Variants in ANKRD24 observed in about 807,000 individuals in gnomAD.
ANKRD24 encodes the protein ankyrin repeat domain-containing protein 24.
In ANKRD24, 109 loss-of-function variants were observed where a neutral mutation model predicts 127.8. The ratio of observed to expected loss-of-function variants is 0.85; its 90% CI spans 0.73 to 1.00. ANKRD24 has a LOEUF of 1.00. ANKRD24 is among the 50% of genes least tolerant of loss of function. The pLI, the probability that ANKRD24 is intolerant of heterozygous loss-of-function variation, is 0.00. For missense variants in ANKRD24, 1,648 were observed against 1,570.2 expected (o/e 1.05, Z -0.84); for synonymous variants, 743 against 671.1 (o/e 1.11, Z -1.66).
chr19:4,194,822 G>A (rs1759807241), intron 2 of ANKRD24, among the ~76,000 whole-genome samples: 1 of 152,156 alleles, frequency 6.6e-6, no homozygotes, highest in Admixed American at 6.5e-5. Flanking sequence ...ACAGGACACA[G>A]TGTGCAGCCA....
intron 7 of ANKRD24, among the ~76,000 whole-genome samples, chr19:4,206,573 C>T (rs999934960): frequency 2.8e-4 from 42 of 152,086 alleles, no homozygotes; most frequent in African/African-American, 8.9e-4. Flanking sequence ...GCAGGAGGAT[C>T]ACTTGAGCCC....
At chr19:4,212,545 C>G (rs753692380) in intron 14 of ANKRD24, 32 bp downstream of exon 14, 2 of 1,549,576 alleles carry the variant, frequency 1.3e-6, no homozygotes, top group East Asian at 4.9e-5. Context: ...AGCCGGTCCT[C>G]CTGCTGCCCA....
chr19:4,214,034 AAC>A (rs910753906), intron 15 of ANKRD24, among the ~76,000 whole-genome samples: 8 of 152,204 alleles, frequency 5.3e-5, no homozygotes, highest in African/African-American at 9.7e-5. Context: ...CACACCCACA[AAC>A]ACACAGTTTA....
chr19:4,210,477 C>T (rs1185502636), intron 13 of ANKRD24, 105 bp downstream of exon 13: 61 of 1,031,478 alleles, frequency 5.9e-5, no homozygotes, highest in Non-Finnish European at 3.2e-5. Context: ...CATCTCTCTC[C>T]CTCCCCACCC....
intron 18 of ANKRD24, among the ~76,000 whole-genome samples, chr19:4,218,664 C>T (rs1443849015): frequency 3.0e-5 from 4 of 131,788 alleles, no homozygotes; most frequent in African/African-American, 5.0e-5. Flanking sequence ...TGTTTTCTCT[C>T]TTTCTTTCTC....
At position 4,199,851 on chromosome 19, in the gene ANKRD24, C is replaced by G. The variant is rs1444297563; in HGVS notation, c.124-24C>G. The G allele has an allele frequency of 6.4e-7, 1 of 1,554,650 alleles. No homozygotes were observed. Among genetic ancestry groups the G allele is most frequent in the Non-Finnish European group, 8.7e-7 (1 of 1,149,174 alleles). The stretch of plus-strand genomic sequence containing the variant: ...GGGGACAGCAGCCAACACTGCCCCA[C>G]GCACTTCTGGGCGTGCCCTGCAGAG... On this transcript the variant is annotated intron_variant, in intron 3 of 21. Coordinates refer to ENST00000318934, the MANE Select transcript of ANKRD24 (RefSeq NM_001393985.1). The surrounding 1 kb of genome is among the most constrained non-coding windows in gnomAD (Gnocchi z 5.2).
intron 16 of ANKRD24, 91 bp downstream of exon 16, chr19:4,216,141 G>T (rs913705842): frequency 1.4e-6 from 2 of 1,446,564 alleles, no homozygotes; most frequent in Middle Eastern, 1.8e-4. Context: ...GTTTGAAGCT[G>T]GGAGGGAGGT....
chr19:4,200,684 G>A (rs1969050340), intron 5 of ANKRD24, among the ~76,000 whole-genome samples: 1 of 152,060 alleles, frequency 6.6e-6, no homozygotes. Flanking sequence ...ACCATGCCCA[G>A]TTAATTTTTC....
chr19:4,217,723 G>A lies in ANKRD24; in HGVS notation c.2563G>A (p.Glu855Lys), dbSNP rs758342016. 1.6e-5 allele frequency: 21 copies of A among 1,293,598 alleles called. No homozygotes were observed. Among genetic ancestry groups the A allele is most frequent in the East Asian group, 1.0e-4 (3 of 29,704 alleles). The allele number at this position is 1,293,598 out of a possible 1,614,324, so 80.1% of individuals were successfully genotyped here. A position where few individuals can be genotyped will look rare whatever the true frequency, so the allele number is the denominator to read the frequency against. ...EQSRELEVLR[E>K]QLATARATGE... ...GAGCCGGGAGCTGGAGGTTCTGCGG[G>A]AGCAGCTGGCCACGGCCAGGGCCAC... The change falls in exon 18 of 22, where the codon GAG becomes AAG. Residue 855 changes from glutamate to lysine, a missense_variant. By Grantham distance (56) the Glu-to-Lys change is moderately conservative. Coordinates refer to ENST00000318934, the MANE Select transcript of ANKRD24 (RefSeq NM_001393985.1).
intron 1 of ANKRD24, among the ~76,000 whole-genome samples, chr19:4,184,797 C>T (rs1020479240): frequency 1.5e-5 from 2 of 137,826 alleles, no homozygotes; most frequent in Non-Finnish European, 3.2e-5. Context: ...GGATGGGGGG[C>T]GAATAGGTGG....
Position 4,195,226 on chromosome 19 carries a change from C to T in ANKRD24, c.37-4457C>T, listed in dbSNP as rs913082733. ...TAGCTGGGACTACAGGCGCCCACCA[C>T]CACGCCCGGCTAATTTTTTGTATTT... On this transcript the variant is annotated intron_variant, in intron 2 of 21. Coordinates refer to ENST00000318934, the MANE Select transcript of ANKRD24 (RefSeq NM_001393985.1). This position sits in a 1 kb window ranked among gnomAD's most constrained non-coding sequence, Gnocchi z 4.2. Among the ~76,000 whole-genome samples the T allele has an allele frequency of 2.6e-5, 4 of 152,192 alleles. No individual in the cohort carries two copies. The highest frequency in any genetic ancestry group is 2.1e-4 in the South Asian group (1 of 4,816).
chr19:4,205,033 C>G (rs1318241384), intron 7 of ANKRD24, among the ~76,000 whole-genome samples: 1 of 152,158 alleles, frequency 6.6e-6, no homozygotes, highest in Non-Finnish European at 1.5e-5. Flanking sequence ...GTCAGGAGAT[C>G]AAGACCATCC....
At chr19:4,188,545 G>A (rs2145216980) in intron 2 of ANKRD24, among the ~76,000 whole-genome samples, 1 of 151,706 alleles carries the variant, frequency 6.6e-6, no homozygotes, top group South Asian at 2.1e-4. Flanking sequence ...CACCACACTG[G>A]GCTAATTTTT....
chr19:4,182,880 G>C, intron 1 of ANKRD24, 140 bp downstream of exon 1: 1 of 426,216 alleles, frequency 2.3e-6, no homozygotes. Context: ...TTACGGATTA[G>C]TAAATTCCGT....
In ANKRD24 at chr19:4,212,710, G is replaced by A. The variant is rs773613136; in HGVS notation, c.1197+12G>A. The A allele has an allele frequency of 6.5e-7, 1 of 1,546,946 alleles. No individual in the cohort carries two copies. Among genetic ancestry groups the A allele is most frequent in the South Asian group, 1.2e-5 (1 of 83,878 alleles). On this transcript the variant is annotated intron_variant, in intron 15 of 21. Coordinates refer to ENST00000318934, the MANE Select transcript of ANKRD24 (RefSeq NM_001393985.1). ...TGTCCCTGCTGGAGGTAGGAGCAGTGATGAGTCAGGGCTGGGCTGGGGCTG... is the reference window on the plus strand; with the variant it reads ...TGTCCCTGCTGGAGGTAGGAGCAGTAATGAGTCAGGGCTGGGCTGGGGCTG...
Position 4,218,021 on chromosome 19 carries a change from T to TGGAGCG in ANKRD24, c.2868_2873dup (p.Glu957_Arg958dup), listed in dbSNP as rs1373854636. ...GAGGCCGCCCGGCTGCGCGCGGAGC[T>TGGAGCG]GGAGCGGGAGCGTGTGTGCAGCGTG... On this transcript the variant is annotated inframe_insertion, in exon 18 of 22. Transcript: ENST00000318934. The TGGAGCG allele has an allele frequency of 5.1e-6, 8 of 1,554,522 alleles. No homozygotes were observed. Among genetic ancestry groups the TGGAGCG allele is most frequent in the Non-Finnish European group, 6.9e-6 (8 of 1,156,574 alleles).
intron 15 of ANKRD24, among the ~76,000 whole-genome samples, chr19:4,215,000 C>T (rs1969976754): frequency 6.6e-6 from 1 of 152,182 alleles, no homozygotes; most frequent in Non-Finnish European, 1.5e-5. Flanking sequence ...CTGTCGCATC[C>T]ACTCTCATGC....
rs1968634858 is a variant in ANKRD24, at chr19:4,195,142, T to TCG, written c.37-4541_37-4540insCG. Among the ~76,000 whole-genome samples the TCG allele has an allele frequency of 4.0e-5, 6 of 151,074 alleles. No homozygotes were observed. The highest frequency in any genetic ancestry group is 2.1e-4 in the South Asian group (1 of 4,814). On this transcript the variant is annotated intron_variant, in intron 2 of 21. Transcript: ENST00000318934. This position sits in a 1 kb window ranked among gnomAD's most constrained non-coding sequence, Gnocchi z 4.2. ...GGTTGGAGTGCAGTGGCACGACTTC[T>TCG]GCTCACTGCAAGCTCCGCCTCCCGG...
chr19:4,189,975 G>A (rs1313477828), intron 2 of ANKRD24, among the ~76,000 whole-genome samples: 1 of 152,094 alleles, frequency 6.6e-6, no homozygotes, highest in Non-Finnish European at 1.5e-5. Context: ...ACAGACAGCG[G>A]GAGAGAAAGA....
Sources: gnomAD v4.1 joint callset for allele counts (sites outside exome capture counted in the v4.1 genomes callset) on GRCh38, gnomAD v4.1.1 for gene constraint, Gnocchi (gnomAD v3.1) non-coding constraint, MANE v1.5 for transcripts, NCBI Gene and HGNC (gene_info 2026-07-23, HGNC 2026-07-21) for gene names.